Variants in ADAM19 observed in about 807,000 individuals in gnomAD.
ADAM19 encodes ADAM metallopeptidase domain 19.
ADAM19 carries 65 observed loss-of-function variants against 114.7 expected under a neutral mutation model. The ratio of observed to expected loss-of-function variants is 0.57; its 90% confidence interval spans 0.46 to 0.70. ADAM19 has a LOEUF of 0.70. Ranked by LOEUF, ADAM19 falls within the 30% of genes least tolerant of loss-of-function variation. The pLI, the probability that ADAM19 is intolerant of heterozygous loss-of-function variation, is 0.00. For synonymous variants in ADAM19, 466 were observed against 460.5 expected (o/e 1.01, Z -0.15); for missense variants, 1,063 against 1,204.7 (o/e 0.88, Z 1.74).
intron 14 of ADAM19, among the ~76,000 whole-genome samples, chr5:157,495,153 T>G (rs1755316227): frequency 6.6e-6 from 1 of 152,102 alleles, no homozygotes; most frequent in African/African-American, 2.4e-5. Context: ...CATGACTGGC[T>G]AATTTTTGTA....
intron 3 of ADAM19, among the ~76,000 whole-genome samples, chr5:157,560,142 G>A (rs1757471811): frequency 6.7e-6 from 1 of 150,266 alleles, no homozygotes; most frequent in African/African-American, 2.4e-5. Flanking sequence ...GCGGGCGCCT[G>A]TAGTCCCAGC....
intron 2 of ADAM19, among the ~76,000 whole-genome samples, chr5:157,565,003 G>T (rs1172505292): frequency 1.3e-5 from 2 of 152,114 alleles, no homozygotes; most frequent in Non-Finnish European, 2.9e-5. Flanking sequence ...TTCGTAGTGG[G>T]TTCTTATTTC....
At chr5:157,497,943 T>A (rs1755420429) in intron 13 of ADAM19, among the ~76,000 whole-genome samples, 1 of 152,218 alleles carries the variant, frequency 6.6e-6, no homozygotes, top group African/African-American at 2.4e-5. Context: ...CACCAGGGAA[T>A]CCTTTCTGAG....
At chr5:157,503,611 A>G (rs1755639776) in intron 11 of ADAM19, among the ~76,000 whole-genome samples, 1 of 152,214 alleles carries the variant, frequency 6.6e-6, no homozygotes. Context: ...ATTTCTGCCC[A>G]TTGCATGAGG....
At chr5:157,532,882 T>C (rs1445596939) in intron 4 of ADAM19, among the ~76,000 whole-genome samples, 1 of 152,230 alleles carries the variant, frequency 6.6e-6, no homozygotes, top group African/African-American at 2.4e-5. Context: ...CACAACTCTC[T>C]CTGACCTTCA....
In ADAM19 at chr5:157,507,613, G is replaced by A. The variant is rs531040602; in HGVS notation, c.906-473C>T. 8.0e-4 allele frequency among the ~76,000 whole-genome samples: 122 copies of A among 152,284 alleles called. 2 individuals are homozygous for A. The highest frequency in any genetic ancestry group is 2.8e-3 in the African/African-American group (116 of 41,550). ...CCCACAGGGTAGGGGTGGGGGCATC[G>A]GGGCAGCAGCTGTGGGGCCGATGAT... is the stretch of plus-strand genomic sequence containing the variant. On this transcript the variant is annotated intron_variant, in intron 9 of 22. Transcript: ENST00000257527.
chr5:157,569,699 C>T (rs1362976229), intron 2 of ADAM19, among the ~76,000 whole-genome samples: 2 of 152,158 alleles, frequency 1.3e-5, no homozygotes. Flanking sequence ...TCAACAGCCA[C>T]AATGTCTGAA....
intron 3 of ADAM19, among the ~76,000 whole-genome samples, chr5:157,550,477 G>T (rs1450122185): frequency 6.6e-6 from 1 of 152,186 alleles, no homozygotes; most frequent in Non-Finnish European, 1.5e-5. Flanking sequence ...AGGTACTGGG[G>T]ATAAGGACTT....
At position 157,499,097 on chromosome 5, in the gene ADAM19, T is replaced by C. The variant is rs115278040; in HGVS notation, c.1398+476A>G. On this transcript the variant is annotated intron_variant, in intron 13 of 22. Transcript: ENST00000257527. ...CCCTTCCTGACTGCCTGATTCCAGATAAACCTCTTATCCCCTATAAGCTCT... is the reference window on the plus strand; with the variant it reads ...CCCTTCCTGACTGCCTGATTCCAGACAAACCTCTTATCCCCTATAAGCTCT... Among the ~76,000 whole-genome samples, 259 of 152,296 alleles carry C rather than the reference T, an allele frequency of 1.7e-3. 1 individual carries two copies. The highest frequency in any genetic ancestry group is 6.0e-3 in the African/African-American group (249 of 41,540).
chr5:157,549,340 C>G (rs1006566599), intron 3 of ADAM19, among the ~76,000 whole-genome samples: 1 of 152,160 alleles, frequency 6.6e-6, no homozygotes, highest in African/African-American at 2.4e-5. Context: ...CAACCCGTTC[C>G]CCAACCTCAA....
chr5:157,516,043 G>C (rs1756080828), intron 7 of ADAM19, among the ~76,000 whole-genome samples: 1 of 152,172 alleles, frequency 6.6e-6, no homozygotes, highest in Non-Finnish European at 1.5e-5. Flanking sequence ...CTCTGCAGCA[G>C]GTTATAAATC....
chr5:157,497,909 C>A (rs1242494166), intron 13 of ADAM19, among the ~76,000 whole-genome samples: 2 of 152,200 alleles, frequency 1.3e-5, no homozygotes, highest in Admixed American at 6.5e-5. Context: ...AATCACACAA[C>A]CAGGGTTTGA....
chr5:157,563,394 C>T (rs1186042305), intron 3 of ADAM19, among the ~76,000 whole-genome samples: 1 of 152,146 alleles, frequency 6.6e-6, no homozygotes, highest in African/African-American at 2.4e-5. Flanking sequence ...CCCAAAAAGC[C>T]CAAATTTGGA....
chr5:157,564,269 G>C (rs1240882020), intron 3 of ADAM19, 104 bp downstream of exon 3: 1 of 1,028,064 alleles, frequency 9.7e-7, no homozygotes, highest in Non-Finnish European at 1.5e-6. Flanking sequence ...CTGAGAGCTT[G>C]GGGTCACTCC....
intron 3 of ADAM19, among the ~76,000 whole-genome samples, chr5:157,553,957 T>A (rs1757275716): frequency 6.6e-6 from 1 of 152,210 alleles, no homozygotes; most frequent in African/African-American, 2.4e-5. Flanking sequence ...ATGAAAAATG[T>A]CAAACATTCC....
intron 4 of ADAM19, among the ~76,000 whole-genome samples, chr5:157,532,430 C>G (rs920842945): frequency 2.0e-5 from 3 of 152,246 alleles, no homozygotes; most frequent in Non-Finnish European, 2.9e-5. Context: ...CAAATACGCA[C>G]TGTTGGGCAT....
At chr5:157,531,536 G>A (rs578165618) in intron 4 of ADAM19, among the ~76,000 whole-genome samples, 1 of 152,026 alleles carries the variant, frequency 6.6e-6, no homozygotes, top group African/African-American at 2.4e-5. Flanking sequence ...ATGTGGTGGT[G>A]CACACCTATA....
At chr5:157,521,114 C>A (rs1352163639) in intron 5 of ADAM19, among the ~76,000 whole-genome samples, 2 of 152,218 alleles carry the variant, frequency 1.3e-5, no homozygotes, top group Non-Finnish European at 2.9e-5. Flanking sequence ...GCAGCTGCTT[C>A]AACTGTTACA....
At chr5:157,531,621 C>A (rs768162241) in intron 4 of ADAM19, among the ~76,000 whole-genome samples, 1 of 151,380 alleles carries the variant, frequency 6.6e-6, no homozygotes, top group East Asian at 1.9e-4. Context: ...GAGCCAAGAT[C>A]GCACCATTGC....
Sources: gnomAD v4.1 joint callset for allele counts (sites outside exome capture counted in the v4.1 genomes callset) on GRCh38, gnomAD v4.1.1 for gene constraint, MANE v1.5 for transcripts, NCBI Gene and HGNC (gene_info 2026-07-23, HGNC 2026-07-21) for gene names.